COTL1: variants seen among roughly 807,000 people sequenced by gnomAD.
COTL1 encodes the protein coactosin like F-actin binding protein 1.
In COTL1, 15 loss-of-function variants were observed where a neutral mutation model predicts 16.5. The ratio of observed to expected loss-of-function variants is 0.91; its 90% CI spans 0.61 to 1.40. The LOEUF is 1.40. COTL1 is among the 40% of genes most tolerant of loss of function. The probability of loss-of-function intolerance (pLI) is 0.00; values close to 1 mark genes in which losing one functional copy is unlikely to be tolerated. For synonymous variants in COTL1, 112 were observed against 85.3 expected, an observed-to-expected ratio of 1.31 and a Z score of -1.73; for missense variants, 220 against 201.5, an observed-to-expected ratio of 1.09 and a Z score of -0.56.
chr16:84,578,346 CT>C (rs1450326655), intron 3 of COTL1, among the ~76,000 whole-genome samples: 1 of 152,154 alleles, frequency 6.6e-6, no homozygotes, highest in East Asian at 1.9e-4. Flanking sequence ...AAATACCAGG[CT>C]GTTTCCATTT....
intron 3 of COTL1, among the ~76,000 whole-genome samples, chr16:84,586,419 C>A (rs1285053062): frequency 1.3e-5 from 2 of 152,108 alleles, no homozygotes; most frequent in East Asian, 3.8e-4. Context: ...GAAAAGAGTT[C>A]TAGAGAGGAA....
chr16:84,598,667 CCAACCCCG>C (rs1905054192), intron 2 of COTL1, among the ~76,000 whole-genome samples: 1 of 142,474 alleles, frequency 7.0e-6, no homozygotes, highest in Admixed American at 6.9e-5. Context: ...ACCCCCCCCA[CCAACCCCG>C]ACCTCTCTGG....
intron 2 of COTL1, among the ~76,000 whole-genome samples, chr16:84,598,659 C>CA (rs1421156358): frequency 6.6e-6 from 1 of 150,946 alleles, no homozygotes. Flanking sequence ...CCCCCCCAAC[C>CA]CCCCCCACCA....
chr16:84,617,931 C>A lies in COTL1; in HGVS notation c.-17G>T. The stretch of plus-strand genomic sequence containing the variant: ...GGTGGCCATCGCCGCGGAGCCGCAG[C>A]GGGACACTGTCCGGGGCGGCCGAGC... On this transcript the variant is annotated 5_prime_UTR_variant, in exon 1 of 4. Coordinates refer to ENST00000262428, the MANE Select transcript of COTL1 (RefSeq NM_021149.5). 2 of 1,547,060 alleles carry A rather than the reference C, an allele frequency of 1.3e-6. No homozygotes were observed. Among genetic ancestry groups the A allele is most frequent in the Non-Finnish European group, 1.7e-6 (2 of 1,146,078 alleles).
chr16:84,585,555 G>A (rs1361611337), intron 3 of COTL1, among the ~76,000 whole-genome samples: 3 of 152,088 alleles, frequency 2.0e-5, no homozygotes, highest in African/African-American at 7.2e-5. Context: ...GGAAATGATG[G>A]CAAAAAGTGC....
At chr16:84,603,685 CA>C (rs1905149684) in intron 2 of COTL1, among the ~76,000 whole-genome samples, 2 of 152,038 alleles carry the variant, frequency 1.3e-5, no homozygotes, top group Non-Finnish European at 2.9e-5. Context: ...GCCGGGAGTT[CA>C]GAGGGGAGAG....
intron 2 of COTL1, among the ~76,000 whole-genome samples, chr16:84,598,551 T>C (rs1217808224): frequency 6.6e-6 from 1 of 152,122 alleles, no homozygotes; most frequent in East Asian, 1.9e-4. Flanking sequence ...CTCTGGCCTT[T>C]CCCTCTCCTG....
chr16:84,590,183 C>G lies in COTL1; in HGVS notation c.240G>C (p.Thr80=). 6.2e-7 allele frequency: 1 copy of G among 1,614,196 alleles called. No homozygotes were observed. The highest frequency in any genetic ancestry group is 8.5e-7 in the Non-Finnish European group (1 of 1,180,032). The part of the protein sequence containing the change: ...MSKRSKFALI[T]WIGENVSGLQ... ...GCCCGCTGACGTTCTCACCGATCCACGTGATGAGGGCAAACTTGGACCTCT... is the reference window on the plus strand; with the variant it reads ...GCCCGCTGACGTTCTCACCGATCCAGGTGATGAGGGCAAACTTGGACCTCT... The change falls in exon 3 of 4, where the codon ACG becomes ACC. Residue 80 remains threonine, a synonymous_variant. Coordinates refer to ENST00000262428, the MANE Select transcript of COTL1 (RefSeq NM_021149.5). The surrounding 1 kb of genome is among the most constrained non-coding windows in gnomAD (Gnocchi z 5.5).
At chr16:84,574,443 T>C (rs1218806827) in intron 3 of COTL1, among the ~76,000 whole-genome samples, 1 of 152,122 alleles carries the variant, frequency 6.6e-6, no homozygotes, top group Non-Finnish European at 1.5e-5. Context: ...CGCTCTCTCA[T>C]AGCTGCCAGA....
intron 3 of COTL1, among the ~76,000 whole-genome samples, chr16:84,585,651 C>A (rs540601080): frequency 1.4e-4 from 21 of 152,286 alleles, no homozygotes; most frequent in Non-Finnish European, 1.3e-4. Flanking sequence ...CGCTCTGAAT[C>A]CCCGTGAAGC....
In COTL1 at chr16:84,566,655, G is replaced by T; in HGVS notation, c.*190C>A. ...AAGAAAGAGGTTCCATGAGCGTCAT[G>T]AGATAGGACACGGCAGGGTTCTAAG... On this transcript the variant is annotated 3_prime_UTR_variant, in exon 4 of 4. Coordinates refer to ENST00000262428, the MANE Select transcript of COTL1 (RefSeq NM_021149.5). 7.5e-6 allele frequency: 4 copies of T among 532,332 alleles called. No individual in the cohort carries two copies. The East Asian group carries it at 9.3e-5, about 12-fold the overall frequency. The allele number at this position is 532,332 out of a possible 1,614,324, so 33.0% of individuals were successfully genotyped here.
intron 3 of COTL1, among the ~76,000 whole-genome samples, chr16:84,584,237 G>A (rs1597172633): frequency 6.6e-6 from 1 of 152,238 alleles, no homozygotes; most frequent in East Asian, 1.9e-4. Context: ...CATCGCAATC[G>A]CCCTGCCCAG....
intron 2 of COTL1, among the ~76,000 whole-genome samples, 164 bp downstream of exon 2, chr16:84,617,337 T>C (rs1273967063): frequency 6.6e-6 from 1 of 150,932 alleles, no homozygotes; most frequent in East Asian, 2.0e-4. Flanking sequence ...GGGGAGAAGG[T>C]TTTATGAGGC....
At chr16:84,611,212 C>T (rs1248414272) in intron 2 of COTL1, among the ~76,000 whole-genome samples, 1 of 152,226 alleles carries the variant, frequency 6.6e-6, no homozygotes, top group Admixed American at 6.5e-5. Context: ...AACCAATCAG[C>T]TCTAAAATCT....
intron 3 of COTL1, among the ~76,000 whole-genome samples, chr16:84,579,421 A>G (rs1296745988): frequency 6.6e-6 from 1 of 152,184 alleles, no homozygotes; most frequent in African/African-American, 2.4e-5. Context: ...CACGAGGCAG[A>G]GGTTGCTGTG....
At chr16:84,598,648 TCCC>T (rs1331260410) in intron 2 of COTL1, among the ~76,000 whole-genome samples, 35 of 44,480 alleles carry the variant, frequency 7.9e-4, no homozygotes, top group Non-Finnish European at 5.8e-5. Flanking sequence ...CCTCCCCTTC[TCCC>T]CCCCAACCCC....
At chr16:84,583,968 A>G (rs906724074) in intron 3 of COTL1, among the ~76,000 whole-genome samples, 6 of 152,202 alleles carry the variant, frequency 3.9e-5, no homozygotes, top group Non-Finnish European at 1.5e-5. Flanking sequence ...GATCAGGTGA[A>G]TGAACCCATC....
chr16:84,617,785 G>C (rs1290415617), intron 1 of COTL1, 53 bp downstream of exon 1: 1 of 1,502,484 alleles, frequency 6.7e-7, no homozygotes, highest in Non-Finnish European at 9.1e-7. Context: ...CGGTGCACGA[G>C]GCCCCGCGCG....
chr16:84,579,786 CA>C (rs111304681), intron 3 of COTL1, among the ~76,000 whole-genome samples: 5 of 152,042 alleles, frequency 3.3e-5, no homozygotes, highest in African/African-American at 1.2e-4. Context: ...AAGAGGTGGA[CA>C]AAAGTATGCA....
Sources: allele counts gnomAD v4.1 joint callset (sites outside exome capture counted in the v4.1 genomes callset), GRCh38; gene constraint gnomAD v4.1.1; non-coding constraint Gnocchi (gnomAD v3.1); transcripts MANE v1.5; gene names NCBI Gene and HGNC (gene_info 2026-07-23, HGNC 2026-07-21).